NRXN3: variants seen among roughly 807,000 people sequenced by gnomAD.
NRXN3 encodes the protein neurexin 3.
A neutral mutation model predicts 137.6 loss-of-function variants in NRXN3; 32 were observed. The observed-to-expected ratio is 0.23, with a 90% CI of 0.18 to 0.31. The LOEUF (loss-of-function observed/expected upper bound fraction) is 0.31, where lower values mean the gene tolerates loss of function less well. NRXN3 is among the 10% of genes least tolerant of loss of function. The pLI, the probability that NRXN3 is intolerant of heterozygous loss-of-function variation, is 1.00. For missense variants in NRXN3, 1,574 were observed against 2,062.5 expected (o/e 0.76, Z 4.59); for synonymous variants, 798 against 784.5 (o/e 1.02, Z -0.29).
chr14:78,202,047 C>T (rs528309394), intron 1 of NRXN3, among the ~76,000 whole-genome samples: 1 of 152,126 alleles, frequency 6.6e-6, no homozygotes, highest in Non-Finnish European at 1.5e-5. Context: ...AGGTGCAGCC[C>T]AGAATGAAAG....
intron 8 of NRXN3, among the ~76,000 whole-genome samples, chr14:78,752,281 G>C (rs2098646613): frequency 6.6e-6 from 1 of 152,176 alleles, no homozygotes; most frequent in Admixed American, 6.5e-5. Context: ...GCTGGGTATG[G>C]TGGCACATGC....
chr14:78,447,681 T>G (rs2094452576), intron 4 of NRXN3, among the ~76,000 whole-genome samples: 1 of 152,234 alleles, frequency 6.6e-6, no homozygotes, highest in Admixed American at 6.5e-5. Context: ...TTCCTTGTCC[T>G]TCACAGAATA....
intron 16 of NRXN3, among the ~76,000 whole-genome samples, chr14:79,639,270 A>T (rs79478539): frequency 0.014 from 2,106 of 152,228 alleles, 46 homozygotes; most frequent in African/African-American, 0.047. Flanking sequence ...ATATAGGTAA[A>T]CTCATGTCAC....
chr14:79,315,102 C>T (rs376036487), intron 15 of NRXN3, among the ~76,000 whole-genome samples: 87 of 152,238 alleles, frequency 5.7e-4, no homozygotes, highest in Admixed American at 1.3e-3. Flanking sequence ...ATCTAATTTC[C>T]CTCATTGTAC....
At chr14:78,401,332 T>C (rs567486053) in intron 4 of NRXN3, among the ~76,000 whole-genome samples, 1 of 150,616 alleles carries the variant, frequency 6.6e-6, no homozygotes, top group South Asian at 2.1e-4. Context: ...GCCTGACTAA[T>C]TTTTGTATTT....
chr14:78,976,396 G>C (rs61040198), intron 14 of NRXN3, among the ~76,000 whole-genome samples: 14,379 of 152,150 alleles, frequency 0.095, 720 homozygotes, highest in African/African-American at 0.13. Context: ...CTAAGTGCTG[G>C]CTATTTTGAG....
At position 79,185,098 on chromosome 14, in the gene NRXN3, T is replaced by C. The variant is rs1271959506; in HGVS notation, c.3262+196957T>C. Among the ~76,000 whole-genome samples, 6 of 152,344 alleles carry C rather than the reference T, an allele frequency of 3.9e-5. No homozygotes were observed. In the East Asian group the frequency reaches 1.2e-3, roughly 29 times the overall value. On this transcript the variant is annotated intron_variant, in intron 15 of 20. Transcript: ENST00000335750. Reference sequence around the variant, plus strand: ...AAGTTATTAGTCCTTTTAAACATCATTTTCATTCTAATAAGCTATTTTTTA... The same window carrying C: ...AAGTTATTAGTCCTTTTAAACATCACTTTCATTCTAATAAGCTATTTTTTA...
intron 1 of NRXN3, among the ~76,000 whole-genome samples, chr14:78,226,892 G>A (rs911689742): frequency 3.9e-5 from 6 of 152,214 alleles, no homozygotes; most frequent in Admixed American, 6.5e-5. Context: ...GAGAAGGTTT[G>A]ATATTATATA....
rs950870025 is a variant in NRXN3, at chr14:78,967,550, A to G, written c.2968+152A>G. On this transcript the variant is annotated intron_variant, in intron 13 of 20. Transcript: ENST00000335750. Reference sequence around the variant, plus strand: ...CAATGTTGAATTATCCTGTAATGCAATTTTTTCCGTTTTTACTTAGACTAC... The same window carrying G: ...CAATGTTGAATTATCCTGTAATGCAGTTTTTTCCGTTTTTACTTAGACTAC... 1.1e-4 allele frequency: 69 copies of G among 630,812 alleles called. No individual in the cohort carries two copies. In the South Asian group the frequency reaches 1.5e-3, roughly 14 times the overall value. The allele number at this position is 630,812 out of a possible 1,614,324, so 39.1% of individuals were successfully genotyped here.
chr14:79,859,480 C>G (rs184062443), intron 20 of NRXN3, among the ~76,000 whole-genome samples: 7 of 152,296 alleles, frequency 4.6e-5, no homozygotes, highest in African/African-American at 1.4e-4. Context: ...CATCTTGAAG[C>G]ATTTCCTATG....
At chr14:79,731,968 T>C (rs1477232988) in intron 19 of NRXN3, among the ~76,000 whole-genome samples, 1 of 152,094 alleles carries the variant, frequency 6.6e-6, no homozygotes, top group Non-Finnish European at 1.5e-5. Context: ...TGGCAGTGGT[T>C]GAATAGAATC....
intron 6 of NRXN3, among the ~76,000 whole-genome samples, chr14:78,686,406 G>T (rs1020615946): frequency 6.6e-6 from 1 of 152,300 alleles, no homozygotes; most frequent in South Asian, 2.1e-4. Flanking sequence ...TGCCAAGACA[G>T]CATCTCACTC....
At chr14:78,911,073 G>A (rs1256229612) in intron 10 of NRXN3, among the ~76,000 whole-genome samples, 1 of 152,050 alleles carries the variant, frequency 6.6e-6, no homozygotes, top group African/African-American at 2.4e-5. Flanking sequence ...ATAATTTTAT[G>A]GTAACAATAA....
chr14:79,237,647 A>C (rs2073621714), intron 15 of NRXN3, among the ~76,000 whole-genome samples: 1 of 152,234 alleles, frequency 6.6e-6, no homozygotes, highest in South Asian at 2.1e-4. Flanking sequence ...TCTTTATTGA[A>C]TACCTATTAT....
At chr14:78,482,839 C>G (rs1464993507) in intron 4 of NRXN3, among the ~76,000 whole-genome samples, 2 of 152,156 alleles carry the variant, frequency 1.3e-5, no homozygotes, top group East Asian at 1.9e-4. Flanking sequence ...TACCCCCTCA[C>G]TCCTTTTAAT....
chr14:79,056,567 G>A (rs568971389), intron 15 of NRXN3, among the ~76,000 whole-genome samples: 1 of 152,294 alleles, frequency 6.6e-6, no homozygotes, highest in South Asian at 2.1e-4. Flanking sequence ...AATTAAGATG[G>A]TAAAACTAGC....
At chr14:79,330,385 C>T (rs1243200974) in intron 15 of NRXN3, among the ~76,000 whole-genome samples, 1 of 152,248 alleles carries the variant, frequency 6.6e-6, no homozygotes, top group Non-Finnish European at 1.5e-5. Flanking sequence ...TGGGAAATTT[C>T]AAGGTCTTGT....
At chr14:78,416,888 A>G (rs914447580) in intron 4 of NRXN3, among the ~76,000 whole-genome samples, 1 of 152,234 alleles carries the variant, frequency 6.6e-6, no homozygotes, top group South Asian at 2.1e-4. Context: ...AATGTGAACT[A>G]GGATGGGCCT....
chr14:79,224,512 G>A (rs76230656), intron 15 of NRXN3, among the ~76,000 whole-genome samples: 4,193 of 152,220 alleles, frequency 0.028, 139 homozygotes, highest in South Asian at 0.086. Context: ...CAAAGTAATG[G>A]TGGGTAGAGG....
Sources: gnomAD v4.1 joint callset for allele counts (sites outside exome capture counted in the v4.1 genomes callset) on GRCh38, gnomAD v4.1.1 for gene constraint, MANE v1.5 for transcripts, NCBI Gene and HGNC (gene_info 2026-07-23, HGNC 2026-07-21) for gene names.